Variants in CACNA1D observed in about 807,000 individuals in gnomAD.
CACNA1D encodes voltage-dependent L-type calcium channel subunit alpha-1D.
Under a neutral mutation model 257.1 loss-of-function variants are expected in CACNA1D, and 55 were observed. That is an observed-to-expected ratio of 0.21 (90% CI 0.17 to 0.27). CACNA1D has a LOEUF of 0.27. Among genes scored for constraint, CACNA1D ranks in the 10% least tolerant of loss-of-function variants. The pLI is 1.00. For missense variants in CACNA1D, 1,876 were observed against 2,784.0 expected (o/e 0.67, Z 7.34); for synonymous variants, 980 against 1,014.9 (o/e 0.97, Z 0.65).
chr3:53,595,197 C>T lies in CACNA1D; in HGVS notation c.484-55582C>T, dbSNP rs544131942. 1.2e-4 allele frequency among the ~76,000 whole-genome samples: 19 copies of T among 152,280 alleles called. 1 individual carries two copies. In the South Asian group the frequency reaches 3.3e-3, roughly 27 times the overall value. On this transcript the variant is annotated intron_variant, in intron 3 of 47. Coordinates refer to ENST00000350061, the MANE Select transcript of CACNA1D (RefSeq NM_001128840.3). Reference sequence around the variant, plus strand: ...GTATAATCTTTGTATCTGTAGTCCCCCTTAGGGTTAATAATTAGGTTTTTG... The same window carrying T: ...GTATAATCTTTGTATCTGTAGTCCCTCTTAGGGTTAATAATTAGGTTTTTG...
At chr3:53,546,009 G>A (rs1185673657) in intron 3 of CACNA1D, among the ~76,000 whole-genome samples, 1 of 152,180 alleles carries the variant, frequency 6.6e-6, no homozygotes, top group African/African-American at 2.4e-5. Context: ...TACAAACTGG[G>A]CTTCAGTTTG....
At chr3:53,567,836 T>C (rs1209147516) in intron 3 of CACNA1D, among the ~76,000 whole-genome samples, 1 of 152,218 alleles carries the variant, frequency 6.6e-6, no homozygotes, top group Non-Finnish European at 1.5e-5. Flanking sequence ...TGGATGGGCT[T>C]AGGCAGAAGC....
chr3:53,629,232 G>A (rs963271756), intron 3 of CACNA1D, among the ~76,000 whole-genome samples: 3 of 152,192 alleles, frequency 2.0e-5, no homozygotes, highest in Admixed American at 2.0e-4. Context: ...AACAAGTTTC[G>A]AGTTGTCACC....
In CACNA1D at chr3:53,774,753, ACAGGTTATTAAAG is replaced by A; in HGVS notation, c.4202+79_4202+91del. The A allele has an allele frequency of 1.2e-6, 1 of 838,688 alleles. No individual in the cohort carries two copies. Among genetic ancestry groups the A allele is most frequent in the South Asian group, 1.3e-5 (1 of 74,272 alleles). 52.0% of individuals were successfully genotyped at this position (838,688 alleles called of 1,614,324 possible). On this transcript the variant is annotated intron_variant, in intron 34 of 47. Transcript: ENST00000350061. The surrounding 1 kb of genome is among the most constrained non-coding windows in gnomAD (Gnocchi z 4.3). ...GCGTGGGTCCAGAGGGACGGAGGAC[ACAGGTTATTAAAG>A]CAGTGTGCCTTTCTCAGTTGATTGT...
chr3:53,648,603 C>G (rs941045557), intron 3 of CACNA1D, among the ~76,000 whole-genome samples: 1 of 151,900 alleles, frequency 6.6e-6, no homozygotes, highest in Non-Finnish European at 1.5e-5. Flanking sequence ...AATGGGGCAA[C>G]GGGGAATCTG....
intron 40 of CACNA1D, among the ~76,000 whole-genome samples, chr3:53,790,368 C>A (rs1224024546): frequency 6.6e-6 from 1 of 152,212 alleles, no homozygotes; most frequent in Non-Finnish European, 1.5e-5. Flanking sequence ...AAGAAAAAGA[C>A]CCCAAAGTGG....
chr3:53,764,356 T>A lies in CACNA1D; in HGVS notation c.3870+2275T>A, dbSNP rs576183372. On this transcript the variant is annotated intron_variant, in intron 30 of 47. Transcript: ENST00000350061. ...TGCTTACAATCTACTCGGAGGTATA[T>A]TTACATGAAAATTCTGGAACATACC... Among the ~76,000 whole-genome samples the A allele has an allele frequency of 2.6e-5, 4 of 152,312 alleles. No homozygotes were observed. The South Asian group carries it at 8.3e-4, about 32-fold the overall frequency.
At chr3:53,544,287 G>C (rs1279457116) in intron 3 of CACNA1D, among the ~76,000 whole-genome samples, 2 of 152,040 alleles carry the variant, frequency 1.3e-5, no homozygotes, top group Non-Finnish European at 2.9e-5. Context: ...GGCAAATTTT[G>C]CAGCACATAT....
rs578185277 is a variant in CACNA1D at position 53,718,247 on chromosome 3, C to T, written c.1391-54C>T. On this transcript the variant is annotated intron_variant, in intron 9 of 47. Transcript: ENST00000350061. ...GCAGAGGCTCCCACCTGGCCTGCCT[C>T]CCAGGCGTGCAGTGTGCCCCGCATG... is the stretch of plus-strand genomic sequence containing the variant. The T allele has an allele frequency of 2.0e-6, 3 of 1,508,554 alleles. No individual in the cohort carries two copies. In the African/African-American group the frequency reaches 4.1e-5, roughly 21 times the overall value. 93.4% of individuals were successfully genotyped at this position (1,508,554 alleles called of 1,614,324 possible).
At chr3:53,767,435 G>A (rs530733663) in intron 30 of CACNA1D, among the ~76,000 whole-genome samples, 9 of 152,038 alleles carry the variant, frequency 5.9e-5, no homozygotes, top group East Asian at 1.9e-4. Flanking sequence ...GCATGGTGGC[G>A]GGCGCCTGTT....
intron 21 of CACNA1D, among the ~76,000 whole-genome samples, chr3:53,741,095 G>A (rs775326582): frequency 6.6e-6 from 1 of 152,132 alleles, no homozygotes; most frequent in Non-Finnish European, 1.5e-5. Context: ...GTGGTTTGTG[G>A]ACTGACTGTG....
chr3:53,764,279 T>A (rs1051012221), intron 30 of CACNA1D, among the ~76,000 whole-genome samples: 1 of 152,230 alleles, frequency 6.6e-6, no homozygotes, highest in African/African-American at 2.4e-5. Context: ...CTGAGCTCTC[T>A]CCGAAGTTTA....
chr3:53,730,553 C>T lies in CACNA1D; in HGVS notation c.2333C>T (p.Ala778Val). Residue 778 changes from alanine to valine, a missense_variant, in exon 16 of 48, where the codon GCC becomes GTC. By Grantham distance (64) the Ala-to-Val change is moderately conservative. Transcript: ENST00000350061. ...GAAGAAAAGGAGAGGAAAAAGATTG[C>T]CAGGTAACCCTATTTTCCCCTGACG... The part of the protein sequence containing the change: ...EAEEKERKKI[A>V]RKESLENKKN... 6.2e-7 allele frequency: 1 copy of T among 1,607,094 alleles called. No homozygotes were observed. Among genetic ancestry groups the T allele is most frequent in the Non-Finnish European group, 8.5e-7 (1 of 1,173,606 alleles).
intron 8 of CACNA1D, among the ~76,000 whole-genome samples, chr3:53,674,327 T>C (rs973281292): frequency 6.6e-6 from 1 of 152,198 alleles, no homozygotes; most frequent in Non-Finnish European, 1.5e-5. Context: ...CTTCCTTAGA[T>C]TGGGATTCTT....
intron 8 of CACNA1D, among the ~76,000 whole-genome samples, chr3:53,675,917 C>G (rs547713761): frequency 1.3e-5 from 2 of 152,338 alleles, no homozygotes; most frequent in African/African-American, 4.8e-5. Flanking sequence ...ATGACCTCCT[C>G]TCTACTCCCC....
At chr3:53,777,538 A>G (rs1020073945) in intron 37 of CACNA1D, among the ~76,000 whole-genome samples, 12 of 152,088 alleles carry the variant, frequency 7.9e-5, no homozygotes, top group Admixed American at 7.2e-4. Flanking sequence ...TTGGAGATCC[A>G]CTTAGGATGT....
chr3:53,790,535 C>T (rs1161950707), intron 40 of CACNA1D, among the ~76,000 whole-genome samples: 1 of 152,222 alleles, frequency 6.6e-6, no homozygotes, highest in Non-Finnish European at 1.5e-5. Context: ...AGGGATAGTC[C>T]TTTTGCCTGT....
Position 53,743,980 on chromosome 3 carries a change from G to T in CACNA1D, c.2919-760G>T, listed in dbSNP as rs1479206162. The stretch of plus-strand genomic sequence containing the variant: ...GAAGGCCATTTGCATTAACATCTTT[G>T]CAGCTCCTATTAACTCCCAGGCTGT... On this transcript the variant is annotated intron_variant, in intron 22 of 47. Transcript: ENST00000350061. 3.9e-5 allele frequency among the ~76,000 whole-genome samples: 6 copies of T among 152,282 alleles called. No individual in the cohort carries two copies. The East Asian group carries it at 9.6e-4, about 24-fold the overall frequency.
intron 28 of CACNA1D, among the ~76,000 whole-genome samples, chr3:53,752,956 A>G (rs936407544): frequency 1.3e-5 from 2 of 152,232 alleles, no homozygotes; most frequent in African/African-American, 4.8e-5. Context: ...ATTGCCTAGT[A>G]GATACTCTAC....
Sources: allele counts gnomAD v4.1 joint callset (sites outside exome capture counted in the v4.1 genomes callset), GRCh38; gene constraint gnomAD v4.1.1; non-coding constraint Gnocchi (gnomAD v3.1); transcripts MANE v1.5; gene names NCBI Gene and HGNC (gene_info 2026-07-23, HGNC 2026-07-21).